The following PTPN4 variants were observed in gnomAD, a reference collection of about 807,000 sequenced individuals.
PTPN4 encodes the protein protein tyrosine phosphatase non-receptor type 4, also known as tyrosine-protein phosphatase non-receptor type 4.
PTPN4 carries 49 observed loss-of-function variants against 135.5 expected under a neutral mutation model. The ratio of observed to expected loss-of-function variants is 0.36; its 90% CI spans 0.29 to 0.46. The LOEUF (loss-of-function observed/expected upper bound fraction) is 0.46, where lower values mean the gene tolerates loss of function less well. PTPN4 is among the 20% of genes least tolerant of loss of function. The pLI, the probability that PTPN4 is intolerant of heterozygous loss-of-function variation, is 1.00. For synonymous variants in PTPN4, 333 were observed against 369.9 expected, an observed-to-expected ratio of 0.90 and a Z score of 1.14; for missense variants, 860 against 1,101.0, an observed-to-expected ratio of 0.78 and a Z score of 3.10.
intron 10 of PTPN4, among the ~76,000 whole-genome samples, chr2:119,905,363 T>TA (rs1041043627): frequency 6.6e-6 from 1 of 152,070 alleles, no homozygotes; most frequent in East Asian, 1.9e-4. Context: ...ATATACTTTG[T>TA]AAAAAACCAT....
At chr2:119,942,235 A>G (rs1342494662) in intron 15 of PTPN4, among the ~76,000 whole-genome samples, 2 of 152,146 alleles carry the variant, frequency 1.3e-5, no homozygotes, top group African/African-American at 2.4e-5. Context: ...TTTTAGCAAA[A>G]TGTACCATAG....
At chr2:119,838,932 A>T (rs918179958) in intron 2 of PTPN4, among the ~76,000 whole-genome samples, 1 of 152,134 alleles carries the variant, frequency 6.6e-6, no homozygotes, top group Non-Finnish European at 1.5e-5. Context: ...CAGTTTACCA[A>T]TTACATTTAT....
chr2:119,764,899 GAGAGAATTTTGAGAGGAAT>G (rs1690581204), intron 1 of PTPN4, among the ~76,000 whole-genome samples: 4 of 152,284 alleles, frequency 2.6e-5, no homozygotes, highest in African/African-American at 9.6e-5. Flanking sequence ...TTGTGTGGTA[GAGAGAATTTTGAGAGGAAT>G]ATAATGGGAA....
chr2:119,861,154 G>A (rs1380885608), intron 2 of PTPN4, among the ~76,000 whole-genome samples: 1 of 152,130 alleles, frequency 6.6e-6, no homozygotes, highest in Non-Finnish European at 1.5e-5. Context: ...AGAAGCAGAA[G>A]GGGAAGTGGG....
chr2:119,960,441 A>AAGT (rs1269043858), intron 22 of PTPN4, among the ~76,000 whole-genome samples: 1 of 152,176 alleles, frequency 6.6e-6, no homozygotes, highest in Non-Finnish European at 1.5e-5. Context: ...TTTCTTTACC[A>AAGT]AGTCTCTGCC....
chr2:119,956,232 C>T (rs1679279353), intron 20 of PTPN4, among the ~76,000 whole-genome samples: 1 of 138,972 alleles, frequency 7.2e-6, no homozygotes, highest in African/African-American at 2.6e-5. Flanking sequence ...AATTAATAAA[C>T]CTGAATTTTT....
rs950646020 is a variant in PTPN4, at chr2:119,982,389, C to G, written c.*5319C>G. On this transcript the variant is annotated 3_prime_UTR_variant, in exon 27 of 27. Transcript: ENST00000263708. ...ATTATGGCTTGATTCTAAGGATACT[C>G]TATTTGTTTTAAAGTCTACACGGGA... 2 of 152,008 alleles carry G rather than the reference C, an allele frequency of 1.3e-5. No individual in the cohort carries two copies. The highest frequency in any genetic ancestry group is 2.9e-5 in the Non-Finnish European group (2 of 67,998). 9.4% of individuals were successfully genotyped at this position (152,008 alleles called of 1,614,324 possible).
intron 1 of PTPN4, among the ~76,000 whole-genome samples, chr2:119,808,333 A>G (rs958410591): frequency 6.6e-6 from 1 of 152,170 alleles, no homozygotes; most frequent in African/African-American, 2.4e-5. Context: ...AAACCCCATC[A>G]TCTCAGCCCA....
At chr2:119,856,311 G>T (rs1677680421) in intron 2 of PTPN4, among the ~76,000 whole-genome samples, 1 of 152,158 alleles carries the variant, frequency 6.6e-6, no homozygotes, top group South Asian at 2.1e-4. Context: ...GATCTCCCAA[G>T]TATGGTCCTT....
intron 1 of PTPN4, among the ~76,000 whole-genome samples, chr2:119,806,891 A>G (rs1470678317): frequency 2.6e-5 from 4 of 152,138 alleles, no homozygotes; most frequent in East Asian, 1.9e-4. Flanking sequence ...TCAGACCACA[A>G]TGCAATCAAA....
In PTPN4 at chr2:119,775,825, C is replaced by CTA. The variant is rs1171556427; in HGVS notation, c.-18+15445_-18+15446dup. ...TGGATATCTATATCTATATCTATAT[C>CTA]TATATCTATATCTATATATCTATCT... On this transcript the variant is annotated intron_variant, in intron 1 of 26. Coordinates refer to ENST00000263708, the MANE Select transcript of PTPN4 (RefSeq NM_002830.4). 3.0e-3 allele frequency among the ~76,000 whole-genome samples: 454 copies of CTA among 151,644 alleles called. 2 individuals carry two copies. Among genetic ancestry groups the CTA allele is most frequent in the African/African-American group, 0.01 (430 of 41,426 alleles).
chr2:119,927,053 TTTTG>T (rs1411761303), intron 13 of PTPN4, among the ~76,000 whole-genome samples: 1 of 151,884 alleles, frequency 6.6e-6, no homozygotes, highest in Non-Finnish European at 1.5e-5. Context: ...TTGTTTTATT[TTTTG>T]TTTTTGTTTA....
intron 2 of PTPN4, among the ~76,000 whole-genome samples, chr2:119,846,835 T>C (rs1677505676): frequency 7.4e-6 from 1 of 135,584 alleles, no homozygotes; most frequent in Non-Finnish European, 1.5e-5. Flanking sequence ...AGGCTTATAA[T>C]AACTTAATTA....
At chr2:119,949,090 T>G (rs1679176136) in intron 18 of PTPN4, among the ~76,000 whole-genome samples, 1 of 152,186 alleles carries the variant, frequency 6.6e-6, no homozygotes, top group Non-Finnish European at 1.5e-5. Flanking sequence ...TCAGAGAATA[T>G]TCTATAGATA....
intron 1 of PTPN4, among the ~76,000 whole-genome samples, chr2:119,796,137 G>C (rs1691254674): frequency 2.3e-4 from 2 of 8,606 alleles, no homozygotes; most frequent in Non-Finnish European, 2.8e-4. Flanking sequence ...GGACACAAGG[G>C]ACCCACTGCT....
At chr2:119,773,108 A>T (rs957402822) in intron 1 of PTPN4, among the ~76,000 whole-genome samples, 8 of 152,064 alleles carry the variant, frequency 5.3e-5, no homozygotes, top group Admixed American at 5.2e-4. Flanking sequence ...ACATTTTTTC[A>T]TGTTTATTAA....
At chr2:119,899,161 C>T (rs1678367763) in intron 9 of PTPN4, among the ~76,000 whole-genome samples, 2 of 152,114 alleles carry the variant, frequency 1.3e-5, no homozygotes, top group Admixed American at 6.6e-5. Flanking sequence ...TGAAGATTAC[C>T]CTTAATTCTA....
At chr2:119,961,988 A>G (rs1679372747) in intron 23 of PTPN4, among the ~76,000 whole-genome samples, 1 of 152,200 alleles carries the variant, frequency 6.6e-6, no homozygotes, top group African/African-American at 2.4e-5. Flanking sequence ...TGATGGTTGC[A>G]CAGTTCTGTG....
chr2:119,963,112 A>G (rs1324248641), intron 24 of PTPN4, among the ~76,000 whole-genome samples: 1 of 152,216 alleles, frequency 6.6e-6, no homozygotes, highest in Admixed American at 6.5e-5. Context: ...GGAAATGGAA[A>G]AAACAATTGA....
Sources: allele counts gnomAD v4.1 joint callset (sites outside exome capture counted in the v4.1 genomes callset), GRCh38; gene constraint gnomAD v4.1.1; transcripts MANE v1.5; gene names NCBI Gene and HGNC (gene_info 2026-07-23, HGNC 2026-07-21).